The following TENM2 variants were observed in gnomAD, a reference collection of about 807,000 sequenced individuals.
TENM2 encodes the protein teneurin transmembrane protein 2, also known as teneurin-2.
In TENM2, 52 loss-of-function variants were observed where a neutral mutation model predicts 245.2. That is an observed-to-expected ratio of 0.21 (90% confidence interval 0.17 to 0.27). The LOEUF (loss-of-function observed/expected upper bound fraction) is 0.27. Among genes scored for constraint, TENM2 ranks in the 10% least tolerant of loss-of-function variants. The pLI, the probability that TENM2 is intolerant of heterozygous loss-of-function variation, is 1.00. For synonymous variants in TENM2, 1,363 were observed against 1,438.9 expected (o/e 0.95, Z 1.19); for missense variants, 3,046 against 3,666.8 (o/e 0.83, Z 4.37).
intron 2 of TENM2, among the ~76,000 whole-genome samples, chr5:167,395,931 G>C (rs1484016877): frequency 6.6e-6 from 1 of 152,084 alleles, no homozygotes; most frequent in African/African-American, 2.4e-5. Flanking sequence ...CTGTTAGGAT[G>C]GCCATTATCA....
At position 167,449,567 on chromosome 5, in the gene TENM2, G is replaced by T. The variant is rs564309377; in HGVS notation, c.502+74094G>T. Reference sequence around the variant, plus strand: ...AGATAGATAGATAGATAGATAGATAGATAAAGACAGTTTTTAAAATAATTG... The same window carrying T: ...AGATAGATAGATAGATAGATAGATATATAAAGACAGTTTTTAAAATAATTG... On this transcript the variant is annotated intron_variant, in intron 2 of 28. Transcript: ENST00000518659. Among the ~76,000 whole-genome samples the T allele has an allele frequency of 1.5e-4, 20 of 131,818 alleles. No individual in the cohort carries two copies. In the East Asian group the frequency reaches 4.4e-3, roughly 29 times the overall value. The allele number at this position is 131,818 out of a possible 152,430, so 86.5% of individuals were successfully genotyped here. A position where few individuals can be genotyped will look rare whatever the true frequency, so the allele number is the denominator to read the frequency against.
intron 1 of TENM2, among the ~76,000 whole-genome samples, chr5:167,320,649 G>A (rs1007922001): frequency 2.6e-5 from 4 of 152,136 alleles, no homozygotes; most frequent in African/African-American, 7.2e-5. Context: ...ATAAAAGAGC[G>A]AGTTGAGCCC....
intron 3 of TENM2, among the ~76,000 whole-genome samples, chr5:167,880,006 C>T (rs956252906): frequency 6.6e-6 from 1 of 151,904 alleles, no homozygotes; most frequent in Non-Finnish European, 1.5e-5. Flanking sequence ...TCCTTTTTTG[C>T]ACCTCCCTCA....
At chr5:167,931,999 C>A (rs747969449) in intron 3 of TENM2, among the ~76,000 whole-genome samples, 4 of 152,042 alleles carry the variant, frequency 2.6e-5, no homozygotes, top group Non-Finnish European at 4.4e-5. Flanking sequence ...AAATAGTAGG[C>A]GAGATATAAA....
chr5:167,028,069 C>CA, the TENM2 span, among the ~76,000 whole-genome samples: 31,900 of 92,708 alleles, frequency 0.34, 5,587 homozygotes, highest in Non-Finnish European at 0.45. Flanking sequence ...GATTCCATCT[C>CA]AAAAAAAAAA....
the TENM2 span, among the ~76,000 whole-genome samples, chr5:166,983,137 A>G: frequency 6.6e-6 from 1 of 152,088 alleles, no homozygotes; most frequent in African/African-American, 2.4e-5. Context: ...AAGACTGTGT[A>G]ATAAGAGGAT....
At chr5:167,295,909 G>A (rs1028049319) in intron 1 of TENM2, among the ~76,000 whole-genome samples, 4 of 152,074 alleles carry the variant, frequency 2.6e-5, no homozygotes, top group Non-Finnish European at 5.9e-5. Flanking sequence ...TGCTGGGAAT[G>A]ATCAGAACAA....
At chr5:167,867,204 C>T (rs1036860156) in intron 2 of TENM2, among the ~76,000 whole-genome samples, 1 of 152,148 alleles carries the variant, frequency 6.6e-6, no homozygotes, top group Non-Finnish European at 1.5e-5. Context: ...AGAAGCACTG[C>T]ATTTCACCTC....
intron 1 of TENM2, among the ~76,000 whole-genome samples, chr5:167,301,868 T>C (rs1755346789): frequency 6.6e-6 from 1 of 152,020 alleles, no homozygotes; most frequent in Admixed American, 6.6e-5. Context: ...AACAAAACTG[T>C]AAGCCGGACC....
chr5:167,764,797 G>A (rs1483681460), intron 2 of TENM2, among the ~76,000 whole-genome samples: 1 of 152,124 alleles, frequency 6.6e-6, no homozygotes, highest in Non-Finnish European at 1.5e-5. Context: ...TCTCCCCTGA[G>A]TCTCCCCTCT....
chr5:167,008,928 G>C, the TENM2 span, among the ~76,000 whole-genome samples: 1 of 152,090 alleles, frequency 6.6e-6, no homozygotes, highest in Non-Finnish European at 1.5e-5. Flanking sequence ...TTTTAGCATC[G>C]GTCCTGCAGA....
chr5:167,232,497 C>T, the TENM2 span, among the ~76,000 whole-genome samples: 4 of 152,122 alleles, frequency 2.6e-5, no homozygotes, highest in South Asian at 4.2e-4. Context: ...CTCAGCCTCC[C>T]GTGTAGCTGG....
the TENM2 span, among the ~76,000 whole-genome samples, chr5:167,241,813 G>A: frequency 5.9e-5 from 9 of 152,248 alleles, no homozygotes; most frequent in Non-Finnish European, 7.4e-5. Flanking sequence ...GACATGATAT[G>A]TACACAACTC....
chr5:168,230,444 G>T (rs1463321572), intron 25 of TENM2, among the ~76,000 whole-genome samples: 10 of 152,228 alleles, frequency 6.6e-5, no homozygotes, highest in African/African-American at 2.4e-4. Flanking sequence ...TGGCAGGAGA[G>T]CAGTTGGAAG....
chr5:167,057,362 C>G, the TENM2 span, among the ~76,000 whole-genome samples: 1 of 152,140 alleles, frequency 6.6e-6, no homozygotes, highest in Admixed American at 6.5e-5. Context: ...AGTCTCTTTA[C>G]ACTGTATATT....
chr5:168,188,069 T>C (rs1335821966), intron 13 of TENM2, among the ~76,000 whole-genome samples: 1 of 152,244 alleles, frequency 6.6e-6, no homozygotes, highest in Non-Finnish European at 1.5e-5. Context: ...TGCAACCTCC[T>C]AATTTGTTTG....
intron 13 of TENM2, among the ~76,000 whole-genome samples, chr5:168,179,674 C>A (rs556854361): frequency 1.3e-5 from 2 of 152,174 alleles, no homozygotes; most frequent in African/African-American, 2.4e-5. Context: ...TGTAGGATTT[C>A]GTTCCAGAGT....
chr5:168,004,517 G>GCGCA (rs898616203), intron 5 of TENM2, among the ~76,000 whole-genome samples: 7,163 of 132,012 alleles, frequency 0.054, 328 homozygotes, highest in East Asian at 0.3. Flanking sequence ...GCGCGCGCGC[G>GCGCA]CACACACACA....
At chr5:168,013,097 G>A (rs1785375446) in intron 5 of TENM2, among the ~76,000 whole-genome samples, 2 of 151,972 alleles carry the variant, frequency 1.3e-5, no homozygotes, top group African/African-American at 4.8e-5. Context: ...ACCATTCCCA[G>A]CCCCCAACAC....
Sources: allele counts gnomAD v4.1 joint callset (sites outside exome capture counted in the v4.1 genomes callset), GRCh38; gene constraint gnomAD v4.1.1; transcripts MANE v1.5; gene names NCBI Gene and HGNC (gene_info 2026-07-23, HGNC 2026-07-21).